The following SIGLECL1 variants were observed in gnomAD, a reference collection of about 807,000 sequenced individuals.
The protein encoded by SIGLECL1 is SIGLEC family-like protein 1.
In SIGLECL1, 16 loss-of-function variants were observed where a neutral mutation model predicts 19.1. That is an observed-to-expected ratio of 0.84 (90% CI 0.57 to 1.27). The LOEUF (loss-of-function observed/expected upper bound fraction) is 1.27. SIGLECL1 is among the 50% of genes most tolerant of loss of function. SIGLECL1 has a pLI of 0.00. For synonymous variants in SIGLECL1, 89 were observed against 90.4 expected (o/e 0.98, Z 0.09); for missense variants, 210 against 239.4 (o/e 0.88, Z 0.81).
At chr19:51,256,089 A>ATG (rs948151319) in intron 1 of SIGLECL1, 7 of 148,020 alleles carry the variant, frequency 4.7e-5, no homozygotes, top group Admixed American at 7.5e-5. Flanking sequence ...ACACACATGC[A>ATG]CGCACACACA....
chr19:51,267,928 G>A (rs1983797521), intron 5 of SIGLECL1, among the ~76,000 whole-genome samples: 1 of 152,058 alleles, frequency 6.6e-6, no homozygotes, highest in African/African-American at 2.4e-5. Context: ...TTAGAGATTA[G>A]GCCAAGCCCA....
chr19:51,250,176 T>C (rs925306772), upstream of SIGLECL1, among the ~76,000 whole-genome samples: 1 of 151,256 alleles, frequency 6.6e-6, no homozygotes, highest in Non-Finnish European at 1.5e-5. Context: ...AACTTCCACC[T>C]CGCGGATTCA....
At chr19:51,264,122 G>A (rs765656256) in intron 2 of SIGLECL1, 28 bp downstream of exon 2, 2 of 1,613,698 alleles carry the variant, frequency 1.2e-6, no homozygotes, top group South Asian at 1.1e-5. Flanking sequence ...CAGCACTGGA[G>A]GTGTGTTTGG....
chr19:51,262,971 T>C (rs755998727), intron 1 of SIGLECL1, among the ~76,000 whole-genome samples: 2 of 152,240 alleles, frequency 1.3e-5, no homozygotes, highest in Non-Finnish European at 2.9e-5. Flanking sequence ...TGATCACGGC[T>C]GACTGCAGCC....
At chr19:51,250,330 C>T (rs939285980), upstream of SIGLECL1, among the ~76,000 whole-genome samples, 1 of 152,106 alleles carries the variant, frequency 6.6e-6, no homozygotes, top group Non-Finnish European at 1.5e-5. Flanking sequence ...GTAATCCGCC[C>T]GCCTCAGCCT....
At position 51,268,808 on chromosome 19, in the gene SIGLECL1, G is replaced by C. The variant is rs745749284; in HGVS notation, c.*211G>C. 2.4e-4 allele frequency: 125 copies of C among 516,750 alleles called. No individual in the cohort carries two copies. Among genetic ancestry groups the C allele is most frequent in the Non-Finnish European group, 3.9e-4 (116 of 294,980 alleles). The allele number at this position is 516,750 out of a possible 1,614,324, so 32.0% of individuals were successfully genotyped here. A position where few individuals can be genotyped will look rare whatever the true frequency, so the allele number is the denominator to read the frequency against. On this transcript the variant is annotated 3_prime_UTR_variant, in exon 6 of 6. Coordinates refer to ENST00000601727, the MANE Select transcript of SIGLECL1 (RefSeq NM_001385465.1). ...GTGGTTACTCTTAGACCTAGTCTTA[G>C]AACCTCTGAAGACACACTTTGTAAT...
At chr19:51,265,706 T>C (rs1381356433) in intron 3 of SIGLECL1, 57 bp downstream of exon 3, 1 of 1,612,370 alleles carries the variant, frequency 6.2e-7, no homozygotes, top group African/African-American at 1.3e-5. Flanking sequence ...ATGGGGACAG[T>C]CACTGGGGCT....
chr19:51,262,178 C>T (rs1218744956), intron 1 of SIGLECL1, among the ~76,000 whole-genome samples: 3 of 152,124 alleles, frequency 2.0e-5, no homozygotes, highest in African/African-American at 4.8e-5. Context: ...ATAGCTAGTG[C>T]TTTTTGGCCC....
intron 1 of SIGLECL1, among the ~76,000 whole-genome samples, chr19:51,261,706 A>C (rs1038706298): frequency 1.3e-5 from 2 of 152,182 alleles, no homozygotes; most frequent in African/African-American, 4.8e-5. Flanking sequence ...TAACTGGATA[A>C]TTTAAGCCAT....
intron 5 of SIGLECL1, among the ~76,000 whole-genome samples, chr19:51,268,347 A>G (rs1983833346): frequency 6.6e-6 from 1 of 152,100 alleles, no homozygotes; most frequent in Non-Finnish European, 1.5e-5. Context: ...AGTCTAAGGA[A>G]CAGTCAGTGT....
upstream of SIGLECL1, chr19:51,246,443 C>A (rs563986074): frequency 2.6e-5 from 4 of 152,238 alleles, no homozygotes; most frequent in African/African-American, 9.6e-5. Context: ...ACAACCTCAA[C>A]GATATTCATA....
chr19:51,261,277 T>G lies in SIGLECL1; in HGVS notation c.-190-2606T>G, dbSNP rs542829675. Among the ~76,000 whole-genome samples, 29 of 152,248 alleles carry G rather than the reference T, an allele frequency of 1.9e-4. No homozygotes were observed. The South Asian group carries it at 6.0e-3, about 32-fold the overall frequency. ...GGTATTTGCTTGGTGTATGTTTTCA[T>G]TCTTTGGTTTTTTCTTTTTTTCTTT... On this transcript the variant is annotated intron_variant, in intron 1 of 5. Coordinates refer to ENST00000601727, the MANE Select transcript of SIGLECL1 (RefSeq NM_001385465.1).
chr19:51,265,732 G>A (rs1160365997), intron 3 of SIGLECL1, 45 bp from the exon 4 acceptor site: 3 of 1,613,526 alleles, frequency 1.9e-6, no homozygotes, highest in East Asian at 2.2e-5. Context: ...ATGGAGCAGA[G>A]TTTTGGCTCC....
At chr19:51,267,242 C>A in intron 4 of SIGLECL1, 131 bp from the exon 5 acceptor site, 1 of 1,088,584 alleles carries the variant, frequency 9.2e-7, no homozygotes, top group Non-Finnish European at 1.3e-6. Context: ...GGATGTGTGG[C>A]TTGCCCTAGG....
intron 1 of SIGLECL1, among the ~76,000 whole-genome samples, chr19:51,255,580 C>T (rs749780588): frequency 2.0e-5 from 3 of 152,038 alleles, no homozygotes; most frequent in Non-Finnish European, 4.4e-5. Context: ...GGAACTCAAA[C>T]AACTCAATAG....
intron 1 of SIGLECL1, among the ~76,000 whole-genome samples, chr19:51,259,595 C>G (rs1255335731): frequency 6.6e-6 from 1 of 152,160 alleles, no homozygotes; most frequent in African/African-American, 2.4e-5. Context: ...AATGGAGAGA[C>G]AACTAGCTGC....
intron 1 of SIGLECL1, among the ~76,000 whole-genome samples, chr19:51,263,550 G>A (rs564820409): frequency 6.6e-6 from 1 of 152,214 alleles, no homozygotes; most frequent in South Asian, 2.1e-4. Context: ...GGCGGGTCAG[G>A]TGTTTGAGAC....
Position 51,265,859 on chromosome 19 carries a change from C to A in SIGLECL1, c.387C>A (p.Leu129=). ...AIYAGIVIAL[L]FLCLLPLIVK... ...ATGCGGGAATTGTAATTGCGCTGCT[C>A]TTCCTCTGCCTCCTCCCTCTCATGT... The change falls in exon 4 of 6, where the codon CTC becomes CTA. Residue 129 remains leucine (L), a synonymous_variant. Coordinates refer to ENST00000601727, the MANE Select transcript of SIGLECL1 (RefSeq NM_001385465.1). 6.2e-7 allele frequency: 1 copy of A among 1,614,152 alleles called. No individual in the cohort carries two copies. The highest frequency in any genetic ancestry group is 8.5e-7 in the Non-Finnish European group (1 of 1,180,028).
chr19:51,250,773 C>A (rs916207042), upstream of SIGLECL1, among the ~76,000 whole-genome samples: 10 of 152,320 alleles, frequency 6.6e-5, no homozygotes, highest in African/African-American at 2.4e-4. Context: ...TTGGCTCAAG[C>A]CCTCAAGATC....
Sources: allele counts gnomAD v4.1 joint callset (sites outside exome capture counted in the v4.1 genomes callset), GRCh38; gene constraint gnomAD v4.1.1; transcripts MANE v1.5; gene names NCBI Gene and HGNC (gene_info 2026-07-23, HGNC 2026-07-21).